The following SND1 variants were observed in gnomAD, a reference collection of about 807,000 sequenced individuals.
SND1 encodes the protein staphylococcal nuclease and tudor domain containing 1.
SND1 carries 38 observed loss-of-function variants against 121.7 expected under a neutral mutation model. The ratio of observed to expected loss-of-function variants is 0.31; its 90% CI spans 0.24 to 0.41. The LOEUF (loss-of-function observed/expected upper bound fraction) is 0.41, where lower values mean the gene tolerates loss of function less well. SND1 is among the 10% of genes least tolerant of loss of function. The pLI, the probability that SND1 is intolerant of heterozygous loss-of-function variation, is 1.00. For synonymous variants in SND1, 401 were observed against 447.4 expected (o/e 0.90, Z 1.31); for missense variants, 868 against 1,184.6 (o/e 0.73, Z 3.92).
chr7:128,075,068 C>T (rs971690207), intron 17 of SND1, among the ~76,000 whole-genome samples: 1 of 152,236 alleles, frequency 6.6e-6, no homozygotes, highest in African/African-American at 2.4e-5. Context: ...CAGGACTGGG[C>T]GGCCCAAGCC....
chr7:128,090,777 C>A (rs977670224), intron 22 of SND1, among the ~76,000 whole-genome samples: 1 of 152,124 alleles, frequency 6.6e-6, no homozygotes, highest in Non-Finnish European at 1.5e-5. Flanking sequence ...ACAAGACACC[C>A]CTGTGGACTG....
rs549945863 is a variant in SND1 at position 128,065,639 on chromosome 7, T to C, written c.1780-8863T>C. Among the ~76,000 whole-genome samples the C allele has an allele frequency of 4.6e-5, 7 of 152,326 alleles. No homozygotes were observed. The South Asian group carries it at 1.2e-3, about 27-fold the overall frequency. ...CTGTCTTCTCACACCCCTAGCTCCATCCCTTTAGGGCTTGGGTACAGCTCT... is the reference window on the plus strand; with the variant it reads ...CTGTCTTCTCACACCCCTAGCTCCACCCCTTTAGGGCTTGGGTACAGCTCT... On this transcript the variant is annotated intron_variant, in intron 16 of 23. Transcript: ENST00000354725.
At chr7:127,789,471 G>A (rs1797871713) in intron 10 of SND1, among the ~76,000 whole-genome samples, 1 of 152,128 alleles carries the variant, frequency 6.6e-6, no homozygotes, top group African/African-American at 2.4e-5. Flanking sequence ...GCTAAAATTA[G>A]GGAATTTCAT....
rs1421579760 is a variant in SND1 at position 128,085,600 on chromosome 7, C to G, written c.2235-111C>G. The G allele has an allele frequency of 2.2e-6, 2 of 917,614 alleles. No individual in the cohort carries two copies. Among genetic ancestry groups the G allele is most frequent in the African/African-American group, 1.6e-5 (1 of 61,232 alleles). The allele number at this position is 917,614 out of a possible 1,614,324, so 56.8% of individuals were successfully genotyped here. ...TGCAGTTACTGTCCCCTGTGACACC[C>G]GTTGAACCCAGGCAGGGAAATGCTG... On this transcript the variant is annotated intron_variant, in intron 19 of 23. Coordinates refer to ENST00000354725, the MANE Select transcript of SND1 (RefSeq NM_014390.4). This position sits in a 1 kb window ranked among gnomAD's most constrained non-coding sequence, Gnocchi z 4.4.
rs146233617 is a variant in SND1, at chr7:128,000,526, C to T, written c.1779+9470C>T. Among the ~76,000 whole-genome samples, 431 of 152,236 alleles carry T rather than the reference C, an allele frequency of 2.8e-3. 3 individuals carry two copies. The highest frequency in any genetic ancestry group is 9.9e-3 in the African/African-American group (411 of 41,534). Reference sequence around the variant, plus strand: ...AGGACTACAGGCCCGTGTCCCCATGCCCAGCTAATGTTTTGTTATTTTCTG... The same window carrying T: ...AGGACTACAGGCCCGTGTCCCCATGTCCAGCTAATGTTTTGTTATTTTCTG... On this transcript the variant is annotated intron_variant, in intron 16 of 23. Transcript: ENST00000354725.
intron 16 of SND1, among the ~76,000 whole-genome samples, chr7:128,019,294 G>GT (rs1324523985): frequency 2.0e-5 from 3 of 152,188 alleles, no homozygotes; most frequent in African/African-American, 7.2e-5. Flanking sequence ...ATTCTCTTTG[G>GT]TTATCTTTCT....
At chr7:127,672,215 C>T (rs1394437516) in intron 1 of SND1, among the ~76,000 whole-genome samples, 1 of 151,942 alleles carries the variant, frequency 6.6e-6, no homozygotes, top group Non-Finnish European at 1.5e-5. Context: ...ATCCCATATA[C>T]CATATCCCTT....
chr7:127,724,152 C>G (rs945585036), intron 10 of SND1, among the ~76,000 whole-genome samples: 1 of 152,170 alleles, frequency 6.6e-6, no homozygotes, highest in Non-Finnish European at 1.5e-5. Context: ...AATAGATGTC[C>G]CTTCTCTGCC....
At chr7:127,685,735 AC>A (rs1795801040) in intron 1 of SND1, among the ~76,000 whole-genome samples, 1 of 152,076 alleles carries the variant, frequency 6.6e-6, no homozygotes, top group Non-Finnish European at 1.5e-5. Context: ...TTAGATTCTT[AC>A]GTTTTAATCA....
At position 128,020,786 on chromosome 7, in the gene SND1, C is replaced by T. The variant is rs918013240; in HGVS notation, c.1779+29730C>T. ...CGGGCACAATGGATGAAACAGCAAG[C>T]GCACAGAATGGGCCAATGCCTTATT... On this transcript the variant is annotated intron_variant, in intron 16 of 23. Coordinates refer to ENST00000354725, the MANE Select transcript of SND1 (RefSeq NM_014390.4). Among the ~76,000 whole-genome samples the T allele has an allele frequency of 4.5e-4, 68 of 152,286 alleles. 1 individual carries two copies. Among genetic ancestry groups the T allele is most frequent in the Admixed American group, 4.1e-3 (63 of 15,292 alleles).
At chr7:127,837,909 T>C (rs1798895148) in intron 11 of SND1, among the ~76,000 whole-genome samples, 1 of 152,196 alleles carries the variant, frequency 6.6e-6, no homozygotes, top group Non-Finnish European at 1.5e-5. Context: ...TTTACTTCTA[T>C]AGAAGGGTGC....
At chr7:127,793,575 A>G (rs973810604) in intron 10 of SND1, among the ~76,000 whole-genome samples, 1 of 152,118 alleles carries the variant, frequency 6.6e-6, no homozygotes. Flanking sequence ...TCACAACGCA[A>G]TGGTGATAGG....
rs754381036 is a variant in SND1 at position 127,721,267 on chromosome 7, A to G, written c.1039-20A>G. The stretch of plus-strand genomic sequence containing the variant: ...GGGGGCCATAGAAGCAGGTTTAAGC[A>G]TGTTCCTTTTTGCTCACAGGTGATG... On this transcript the variant is annotated intron_variant, in intron 9 of 23. Transcript: ENST00000354725. The G allele has an allele frequency of 2.5e-6, 4 of 1,581,682 alleles. No individual in the cohort carries two copies. Among genetic ancestry groups the G allele is most frequent in the East Asian group, 2.2e-5 (1 of 44,636 alleles).
chr7:128,028,775 G>C (rs1354837010), intron 16 of SND1: 2 of 1,614,048 alleles, frequency 1.2e-6, no homozygotes, highest in Admixed American at 1.7e-5. Flanking sequence ...AGTTCCCCAG[G>C]CTGTTTTCTG....
chr7:127,976,594 T>G (rs894266015), intron 15 of SND1, among the ~76,000 whole-genome samples: 7 of 152,256 alleles, frequency 4.6e-5, no homozygotes, highest in African/African-American at 1.7e-4. Flanking sequence ...AATACTCATG[T>G]CTGCAATGTT....
intron 12 of SND1, among the ~76,000 whole-genome samples, chr7:127,882,708 A>G (rs1214095405): frequency 2.6e-5 from 4 of 152,172 alleles, no homozygotes; most frequent in African/African-American, 7.2e-5. Context: ...ATGAAAGGTC[A>G]GGAAATTTTC....
chr7:127,841,437 C>A (rs905829331), intron 11 of SND1, among the ~76,000 whole-genome samples: 7 of 152,146 alleles, frequency 4.6e-5, no homozygotes, highest in African/African-American at 1.7e-4. Flanking sequence ...ACCCTGTGGC[C>A]TTGTCCTATT....
rs984720713 is a variant in SND1, at chr7:128,084,931, G to A, written c.2234+84G>A. The A allele has an allele frequency of 2.8e-6, 4 of 1,414,726 alleles. No homozygotes were observed. The African/African-American group carries it at 5.8e-5, about 20-fold the overall frequency. 87.6% of individuals were successfully genotyped at this position (1,414,726 alleles called of 1,614,324 possible). A position where few individuals can be genotyped will look rare whatever the true frequency, so the allele number is the denominator to read the frequency against. ...TCAGGCCTCAGGTGTTGCCTTAGCA[G>A]TCTGGTTTCCCCAGCTGGTTAATGA... On this transcript the variant is annotated intron_variant, in intron 19 of 23. Coordinates refer to ENST00000354725, the MANE Select transcript of SND1 (RefSeq NM_014390.4).
chr7:127,808,313 C>T (rs564435374), intron 11 of SND1, among the ~76,000 whole-genome samples: 6 of 152,156 alleles, frequency 3.9e-5, no homozygotes, highest in African/African-American at 1.4e-4. Context: ...CAGGTATGCA[C>T]CACCACGCCT....
Sources: allele counts gnomAD v4.1 joint callset (sites outside exome capture counted in the v4.1 genomes callset), GRCh38; gene constraint gnomAD v4.1.1; non-coding constraint Gnocchi (gnomAD v3.1); transcripts MANE v1.5; gene names NCBI Gene and HGNC (gene_info 2026-07-23, HGNC 2026-07-21).